Variants in SYCP1 observed in about 807,000 individuals in gnomAD.
The protein encoded by SYCP1 is cancer/testis antigen 8.
Under a neutral mutation model 153.1 loss-of-function variants are expected in SYCP1, and 64 were observed. The observed-to-expected ratio is 0.42, with a 90% CI of 0.34 to 0.51. The LOEUF (loss-of-function observed/expected upper bound fraction) is 0.51, where lower values mean the gene tolerates loss of function less well. Among genes scored for constraint, SYCP1 ranks in the 20% least tolerant of loss-of-function variants. The probability of loss-of-function intolerance (pLI) is 0.06; values close to 1 mark genes in which losing one functional copy is unlikely to be tolerated. For missense variants in SYCP1, 997 were observed against 1,049.0 expected, an observed-to-expected ratio of 0.95 and a Z score of 0.68; for synonymous variants, 384 against 341.8, an observed-to-expected ratio of 1.12 and a Z score of -1.36.
At chr1:114,952,098 A>G (rs1671145868) in intron 27 of SYCP1, among the ~76,000 whole-genome samples, 1 of 152,222 alleles carries the variant, frequency 6.6e-6, no homozygotes, top group African/African-American at 2.4e-5. Flanking sequence ...GTTTTGAGCT[A>G]TTATAAATAA....
intron 29 of SYCP1, 63 bp from the exon 30 acceptor site, chr1:114,984,662 C>T: frequency 1.7e-6 from 2 of 1,210,558 alleles, no homozygotes; most frequent in Admixed American, 3.2e-5. Flanking sequence ...ATTTGTGAAA[C>T]CCTTTATTAA....
chr1:114,876,036 T>A (rs1262426223), intron 9 of SYCP1, 33 bp from the exon 10 acceptor site: 2 of 1,456,946 alleles, frequency 1.4e-6, no homozygotes, highest in Non-Finnish European at 1.9e-6. Context: ...TTTAAAAAAA[T>A]TTAAGTATGA....
intron 26 of SYCP1, 53 bp downstream of exon 26, chr1:114,946,434 G>A: frequency 9.1e-7 from 1 of 1,100,210 alleles, no homozygotes; most frequent in African/African-American, 1.6e-5. Context: ...TGTCAGCAGT[G>A]ACTGGTGGTA....
At chr1:114,994,520 T>C (rs1674143027) in intron 30 of SYCP1, among the ~76,000 whole-genome samples, 178 bp from the exon 31 acceptor site, 1 of 151,360 alleles carries the variant, frequency 6.6e-6, no homozygotes, top group Non-Finnish European at 1.5e-5. Flanking sequence ...CTTTGTTTGG[T>C]CTTCTTTCTT....
intron 8 of SYCP1, among the ~76,000 whole-genome samples, chr1:114,872,712 G>A (rs560310586): frequency 2.0e-5 from 3 of 152,096 alleles, no homozygotes; most frequent in Admixed American, 6.5e-5. Flanking sequence ...GTTCTTTCTA[G>A]TCTTTTTTCT....
chr1:114,865,167 C>G (rs1433868107), intron 8 of SYCP1, among the ~76,000 whole-genome samples: 4 of 151,852 alleles, frequency 2.6e-5, no homozygotes, highest in African/African-American at 9.7e-5. Context: ...ACATAATAAA[C>G]ATAGTTGTAT....
intron 8 of SYCP1, among the ~76,000 whole-genome samples, chr1:114,873,055 C>T (rs374698472): frequency 2.0e-5 from 3 of 152,092 alleles, no homozygotes; most frequent in East Asian, 1.9e-4. Flanking sequence ...TCTATTCTTG[C>T]GTGATGTCTA....
intron 27 of SYCP1, among the ~76,000 whole-genome samples, chr1:114,957,548 A>G (rs1273901897): frequency 6.6e-6 from 1 of 152,232 alleles, no homozygotes; most frequent in Non-Finnish European, 1.5e-5. Flanking sequence ...TCCATCCAAC[A>G]AGAGATGAAT....
intron 19 of SYCP1, 108 bp from the exon 20 acceptor site, chr1:114,913,867 T>C (rs1668339746): frequency 3.7e-6 from 3 of 811,668 alleles, no homozygotes; most frequent in African/African-American, 1.8e-5. Context: ...TTTTGCTTTA[T>C]ATATAACTAA....
At chr1:114,932,218 G>A (rs987174825) in intron 23 of SYCP1, among the ~76,000 whole-genome samples, 2 of 152,078 alleles carry the variant, frequency 1.3e-5, no homozygotes, top group African/African-American at 2.4e-5. Context: ...ATCAAAACTT[G>A]AAAGATCTGT....
chr1:114,881,848 T>C (rs906983148), intron 12 of SYCP1, among the ~76,000 whole-genome samples: 4 of 152,198 alleles, frequency 2.6e-5, no homozygotes, highest in Admixed American at 6.5e-5. Flanking sequence ...CCCTCTCTTA[T>C]GGGTTTTCAG....
Position 114,946,308 on chromosome 1 carries a change from T to C in SYCP1, c.2174T>C (p.Ile725Thr). ...EKHKHQYDKI[I>T]EERDSELGLY... ...ATATAGCACCAATATGATAAGATCA[T>C]TGAAGAAAGAGACTCAGAATTAGGA... The change falls in exon 26 of 32, where the codon ATT becomes ACT. Residue 725 changes from isoleucine (I) to threonine (T), a missense_variant. This residue lies in a region of SYCP1 where 712 missense variants were observed against 682.9 expected (regional missense o/e 1.04). Coordinates refer to ENST00000369522, the MANE Select transcript of SYCP1 (RefSeq NM_003176.4). 1 of 1,581,240 alleles carries C rather than the reference T, an allele frequency of 6.3e-7. No homozygotes were observed. Among genetic ancestry groups the C allele is most frequent in the Non-Finnish European group, 8.6e-7 (1 of 1,166,598 alleles).
intron 27 of SYCP1, among the ~76,000 whole-genome samples, chr1:114,958,347 T>A (rs571051203): frequency 6.6e-6 from 1 of 152,114 alleles, no homozygotes; most frequent in East Asian, 1.9e-4. Context: ...TACAATTAGA[T>A]AAAAGATATA....
At chr1:114,961,732 T>C (rs1237039577) in intron 27 of SYCP1, among the ~76,000 whole-genome samples, 2 of 152,190 alleles carry the variant, frequency 1.3e-5, no homozygotes, top group African/African-American at 2.4e-5. Flanking sequence ...ATGTTCTTAA[T>C]TCATTGAGAC....
chr1:114,915,379 C>T (rs938819004), intron 20 of SYCP1, among the ~76,000 whole-genome samples: 24 of 152,330 alleles, frequency 1.6e-4, no homozygotes, highest in Non-Finnish European at 3.1e-4. Flanking sequence ...GCTCTCAAAG[C>T]ACAAGTTACT....
At chr1:114,878,928 C>T (rs1207490166) in intron 12 of SYCP1, among the ~76,000 whole-genome samples, 1 of 152,032 alleles carries the variant, frequency 6.6e-6, no homozygotes, top group Non-Finnish European at 1.5e-5. Context: ...TTTAGAAAGG[C>T]ATTAGGGAAA....
intron 17 of SYCP1, 52 bp downstream of exon 17, chr1:114,910,553 A>G (rs370195592): frequency 3.6e-5 from 41 of 1,149,304 alleles, no homozygotes; most frequent in Non-Finnish European, 4.5e-5. Context: ...TAGAACATAG[A>G]TTTATGGATT....
chr1:114,940,009 G>A (rs1482253564), intron 23 of SYCP1, among the ~76,000 whole-genome samples: 1 of 152,038 alleles, frequency 6.6e-6, no homozygotes, highest in East Asian at 1.9e-4. Context: ...AACAGTAATA[G>A]CCTGTTTTTA....
chr1:114,933,140 C>T (rs923444671), intron 23 of SYCP1, among the ~76,000 whole-genome samples: 12 of 152,190 alleles, frequency 7.9e-5, no homozygotes, highest in Non-Finnish European at 1.0e-4. Context: ...CTGGGAGGCA[C>T]CTCCCAGTAG....
Sources: gnomAD v4.1 joint callset for allele counts (sites outside exome capture counted in the v4.1 genomes callset) on GRCh38, gnomAD v4.1.1 for gene constraint, gnomAD v4.1.1 regional missense constraint, MANE v1.5 for transcripts, NCBI Gene and HGNC (gene_info 2026-07-23, HGNC 2026-07-21) for gene names.